Variants in NUDCD1 observed in about 807,000 individuals in gnomAD.
NUDCD1 encodes nudC domain-containing protein 1.
Under a neutral mutation model 67.8 loss-of-function variants are expected in NUDCD1, and 60 were observed. That is an observed-to-expected ratio of 0.88 (90% confidence interval 0.72 to 1.10). The LOEUF (loss-of-function observed/expected upper bound fraction) is 1.10. Among genes scored for constraint, NUDCD1 ranks in the 50% least tolerant of loss-of-function variants. NUDCD1 has a pLI of 0.00. For synonymous variants in NUDCD1, 244 were observed against 230.8 expected, an observed-to-expected ratio of 1.06 and a Z score of -0.52; for missense variants, 643 against 695.0, an observed-to-expected ratio of 0.93 and a Z score of 0.84.
intron 2 of NUDCD1, chr8:109,299,017 A>G (rs1255424632): frequency 1.3e-5 from 2 of 152,366 alleles, no homozygotes; most frequent in East Asian, 3.9e-4. Context: ...TTATGGGAGA[A>G]GATTCTGACC....
intron 1 of NUDCD1, among the ~76,000 whole-genome samples, chr8:109,332,771 CAA>C (rs897997036): frequency 3.9e-5 from 6 of 152,070 alleles, no homozygotes; most frequent in African/African-American, 1.4e-4. Flanking sequence ...AACACGGTGG[CAA>C]AGAGGAAAAG....
chr8:109,251,029 T>G (rs1219976806), intron 8 of NUDCD1, among the ~76,000 whole-genome samples: 1 of 152,180 alleles, frequency 6.6e-6, no homozygotes, highest in Admixed American at 6.5e-5. Context: ...TAGAAGTTTG[T>G]AGAGAATTGG....
intron 2 of NUDCD1, among the ~76,000 whole-genome samples, chr8:109,320,256 A>G (rs1041599043): frequency 6.6e-6 from 1 of 152,080 alleles, no homozygotes; most frequent in Non-Finnish European, 1.5e-5. Flanking sequence ...ACTATGGGAG[A>G]CTGGAATCTA....
chr8:109,259,167 A>G (rs1813808386), intron 8 of NUDCD1, among the ~76,000 whole-genome samples: 2 of 152,238 alleles, frequency 1.3e-5, no homozygotes, highest in African/African-American at 4.8e-5. Flanking sequence ...AAGATATAGC[A>G]TCTCTTTCCA....
At chr8:109,333,263 GA>G (rs1815855978) in intron 1 of NUDCD1, among the ~76,000 whole-genome samples, 1 of 152,158 alleles carries the variant, frequency 6.6e-6, no homozygotes, top group South Asian at 2.1e-4. Flanking sequence ...CTATCATAAC[GA>G]AAATGCCGTT....
chr8:109,292,676 T>C (rs1452199551), intron 4 of NUDCD1, among the ~76,000 whole-genome samples: 1 of 151,932 alleles, frequency 6.6e-6, no homozygotes, highest in African/African-American at 2.4e-5. Flanking sequence ...AAGAAAACAC[T>C]CAATGAGTCA....
chr8:109,311,002 G>A (rs1815234343), intron 2 of NUDCD1, among the ~76,000 whole-genome samples: 1 of 151,954 alleles, frequency 6.6e-6, no homozygotes, highest in Non-Finnish European at 1.5e-5. Flanking sequence ...TTTTAGTAGA[G>A]ATGGGGTTTC....
chr8:109,261,892 GGGC>G (rs1813870494), intron 8 of NUDCD1, among the ~76,000 whole-genome samples: 1 of 152,008 alleles, frequency 6.6e-6, no homozygotes, highest in Non-Finnish European at 1.5e-5. Context: ...GTACTAGTAA[GGGC>G]TAGTACACAC....
chr8:109,324,621 T>C (rs561584848), intron 1 of NUDCD1, among the ~76,000 whole-genome samples: 4 of 152,186 alleles, frequency 2.6e-5, no homozygotes, highest in Non-Finnish European at 5.9e-5. Context: ...CATGATTATT[T>C]CAGCACTATT....
chr8:109,292,434 C>CAGAT (rs34602291), intron 4 of NUDCD1, among the ~76,000 whole-genome samples: 96,577 of 151,564 alleles, frequency 0.64, 32,279 homozygotes, highest in African/African-American at 0.85. Flanking sequence ...ATTAGATAGA[C>CAGAT]AGATAGCTGT....
intron 7 of NUDCD1, among the ~76,000 whole-genome samples, chr8:109,273,553 T>C (rs1268328271): frequency 1.3e-5 from 2 of 151,716 alleles, no homozygotes; most frequent in Non-Finnish European, 1.5e-5. Flanking sequence ...AAGAACATAA[T>C]AAATTTAACA....
At chr8:109,296,606 C>T in intron 2 of NUDCD1, 37 bp from the exon 3 acceptor site, 1 of 1,333,052 alleles carries the variant, frequency 7.5e-7, no homozygotes, top group Non-Finnish European at 1.1e-6. Context: ...ATCTCTTCCT[C>T]TTCACTGATC....
At chr8:109,281,893 A>T (rs1002228067) in intron 5 of NUDCD1, among the ~76,000 whole-genome samples, 17 of 152,118 alleles carry the variant, frequency 1.1e-4, no homozygotes, top group Admixed American at 1.0e-3. Flanking sequence ...GCCTGAGTTA[A>T]CCTACATCTC....
Position 109,311,559 on chromosome 8 carries a change from G to GTGTGTATATATATATATATA in NUDCD1, c.273+10749_273+10750insTATATATATATATATACACA. Reference sequence around the variant, plus strand: ...AATGAGTGGATAAAGAAACTGTGGTGTATATATATATATGATGGGATACTG... The same window carrying GTGTGTATATATATATATATA: ...AATGAGTGGATAAAGAAACTGTGGTGTGTGTATATATATATATATATATATATATATATGATGGGATACTG... On this transcript the variant is annotated intron_variant, in intron 2 of 9. Coordinates refer to ENST00000239690, the MANE Select transcript of NUDCD1 (RefSeq NM_032869.4). Among the ~76,000 whole-genome samples, 71 of 125,146 alleles carry GTGTGTATATATATATATATA rather than the reference G, an allele frequency of 5.7e-4. 8 individuals are homozygous for GTGTGTATATATATATATATA. The South Asian group carries it at 7.4e-3, about 13-fold the overall frequency. The allele number at this position is 125,146 out of a possible 152,430, so 82.1% of individuals were successfully genotyped here.
At chr8:109,305,886 A>G (rs578056409) in intron 2 of NUDCD1, among the ~76,000 whole-genome samples, 1 of 152,220 alleles carries the variant, frequency 6.6e-6, no homozygotes, top group South Asian at 2.1e-4. Context: ...TTCCTCCTGG[A>G]AGTCGCAAGT....
intron 2 of NUDCD1, among the ~76,000 whole-genome samples, chr8:109,321,662 A>G (rs1397510042): frequency 6.6e-6 from 1 of 152,126 alleles, no homozygotes. Context: ...TAAATTAAGT[A>G]TAAATGTAAG....
intron 2 of NUDCD1, among the ~76,000 whole-genome samples, chr8:109,319,667 G>T (rs1443153572): frequency 1.3e-5 from 2 of 152,198 alleles, no homozygotes; most frequent in African/African-American, 4.8e-5. Context: ...ACATGTCTCA[G>T]GAACTGCAAG....
intron 2 of NUDCD1, among the ~76,000 whole-genome samples, chr8:109,314,638 C>G (rs1047575410): frequency 6.6e-6 from 1 of 152,172 alleles, no homozygotes; most frequent in Admixed American, 6.5e-5. Context: ...CCATCCCCAA[C>G]CCCCCAAATC....
At chr8:109,285,459 G>A (rs1465257675) in intron 5 of NUDCD1, among the ~76,000 whole-genome samples, 1 of 152,042 alleles carries the variant, frequency 6.6e-6, no homozygotes, top group East Asian at 1.9e-4. Flanking sequence ...AAATTTAATT[G>A]ACCATGATCA....
Sources: allele counts gnomAD v4.1 joint callset (sites outside exome capture counted in the v4.1 genomes callset), GRCh38; gene constraint gnomAD v4.1.1; transcripts MANE v1.5; gene names NCBI Gene and HGNC (gene_info 2026-07-23, HGNC 2026-07-21).